Variants in SOX6 observed in about 807,000 individuals in gnomAD.
SOX6 encodes SRY-box transcription factor 6.
SOX6 carries 11 observed loss-of-function variants against 97.8 expected under a neutral mutation model. The observed-to-expected ratio is 0.11, with a 90% CI of 0.07 to 0.19. The LOEUF (loss-of-function observed/expected upper bound fraction) is 0.19. Ranked by LOEUF, SOX6 falls within the 10% of genes least tolerant of loss-of-function variation. The pLI is 1.00. For synonymous variants in SOX6, 360 were observed against 371.4 expected (o/e 0.97, Z 0.35); for missense variants, 810 against 1,039.5 (o/e 0.78, Z 3.04).
At chr11:16,624,967 G>A (rs772723863) in intron 3 of SOX6, among the ~76,000 whole-genome samples, 2 of 152,056 alleles carry the variant, frequency 1.3e-5, no homozygotes, top group Non-Finnish European at 2.9e-5. Flanking sequence ...TTGGTGGGGG[G>A]AGGGTTGATT....
chr11:16,676,262 C>T (rs1471541689), intron 3 of SOX6, among the ~76,000 whole-genome samples: 3 of 152,194 alleles, frequency 2.0e-5, no homozygotes, highest in Non-Finnish European at 2.9e-5. Context: ...CTTTTTATAA[C>T]TTCTACATCT....
intron 1 of SOX6, among the ~76,000 whole-genome samples, chr11:16,363,794 C>T (rs1324689369): frequency 7.3e-6 from 1 of 136,944 alleles, no homozygotes; most frequent in Non-Finnish European, 1.7e-5. Context: ...TTTGAATGAG[C>T]TTAAAGATAA....
chr11:16,009,551 T>G (rs1447774606), intron 13 of SOX6, among the ~76,000 whole-genome samples: 1 of 152,080 alleles, frequency 6.6e-6, no homozygotes, highest in East Asian at 1.9e-4. Flanking sequence ...AGTTATAAGT[T>G]GTTAACAAAC....
intron 12 of SOX6, among the ~76,000 whole-genome samples, chr11:16,043,811 C>A (rs1223893900): frequency 6.6e-6 from 1 of 152,146 alleles, no homozygotes; most frequent in Non-Finnish European, 1.5e-5. Context: ...TGGCTGTCGG[C>A]CCTCTTCAGC....
At chr11:16,126,769 C>T (rs1849622909) in intron 6 of SOX6, among the ~76,000 whole-genome samples, 1 of 152,090 alleles carries the variant, frequency 6.6e-6, no homozygotes, top group African/African-American at 2.4e-5. Flanking sequence ...CTAAAGAAAT[C>T]AAGAATAGAT....
intron 3 of SOX6, among the ~76,000 whole-genome samples, chr11:16,265,035 G>A (rs1351743903): frequency 6.6e-6 from 1 of 151,832 alleles, no homozygotes; most frequent in African/African-American, 2.4e-5. Context: ...CTCAGGTAAA[G>A]CCTATTTTCC....
chr11:16,050,298 T>TAG (rs1847655269), intron 10 of SOX6, among the ~76,000 whole-genome samples: 1 of 152,218 alleles, frequency 6.6e-6, no homozygotes, highest in Non-Finnish European at 1.5e-5. Context: ...GCTTTTGTGT[T>TAG]ACTCTCTCTG....
intron 6 of SOX6, among the ~76,000 whole-genome samples, chr11:16,178,808 T>C (rs767974279): frequency 2.0e-5 from 3 of 151,824 alleles, no homozygotes; most frequent in Non-Finnish European, 4.4e-5. Context: ...CAATGATAAA[T>C]ACAAATAACA....
At chr11:16,720,135 C>T (rs1287479058) in intron 2 of SOX6, among the ~76,000 whole-genome samples, 2 of 152,002 alleles carry the variant, frequency 1.3e-5, no homozygotes, top group Non-Finnish European at 2.9e-5. Flanking sequence ...GTCAGTGTGG[C>T]GATTCCTCAG....
intron 1 of SOX6, among the ~76,000 whole-genome samples, chr11:16,452,733 T>A (rs1235465453): frequency 6.6e-6 from 1 of 152,154 alleles, no homozygotes; most frequent in South Asian, 2.1e-4. Context: ...AAATTTTACA[T>A]AGTCATGAGG....
intron 3 of SOX6, chr11:16,313,464 A>G (rs916182644): frequency 6.6e-6 from 1 of 152,168 alleles, no homozygotes; most frequent in Non-Finnish European, 1.5e-5. Context: ...AGAGGTGGGT[A>G]ATGCATTTGA....
intron 3 of SOX6, chr11:16,283,684 A>G: frequency 5.0e-6 from 1 of 200,686 alleles, no homozygotes; most frequent in Non-Finnish European, 1.0e-5. Flanking sequence ...GTTCTTAAGC[A>G]CTACATAGCA....
chr11:16,420,759 A>G (rs1859005920), intron 1 of SOX6, among the ~76,000 whole-genome samples: 1 of 152,176 alleles, frequency 6.6e-6, no homozygotes, highest in African/African-American at 2.4e-5. Flanking sequence ...GCTTATTAAG[A>G]TGTAACTCAT....
chr11:16,328,115 T>C (rs1249020618), intron 2 of SOX6, among the ~76,000 whole-genome samples: 4 of 152,086 alleles, frequency 2.6e-5, no homozygotes, highest in Non-Finnish European at 5.9e-5. Flanking sequence ...CAATCATAGA[T>C]TTGCCCTGGT....
intron 1 of SOX6, among the ~76,000 whole-genome samples, chr11:16,398,919 T>C (rs532323661): frequency 4.2e-4 from 64 of 151,436 alleles, no homozygotes; most frequent in African/African-American, 1.4e-3. Context: ...ATTCTAATCA[T>C]TTATTTTTAT....
intron 3 of SOX6, among the ~76,000 whole-genome samples, chr11:16,675,606 G>C (rs541270173): frequency 1.3e-5 from 2 of 152,202 alleles, no homozygotes; most frequent in East Asian, 3.9e-4. Flanking sequence ...ATTTCAGCTT[G>C]AAGAAGTCCC....
At chr11:16,564,059 A>C (rs1338030268) in intron 4 of SOX6, among the ~76,000 whole-genome samples, 2 of 152,168 alleles carry the variant, frequency 1.3e-5, no homozygotes, top group Non-Finnish European at 2.9e-5. Context: ...AATGAAGGAA[A>C]ATGAAGAGAG....
At chr11:16,035,281 T>C (rs979779382) in intron 12 of SOX6, among the ~76,000 whole-genome samples, 22 of 152,216 alleles carry the variant, frequency 1.4e-4, no homozygotes, top group African/African-American at 5.3e-4. Context: ...CAAAAAACTT[T>C]GAAGTCTCTC....
chr11:16,008,369 C>T (rs779250829), intron 13 of SOX6, among the ~76,000 whole-genome samples: 1 of 152,052 alleles, frequency 6.6e-6, no homozygotes, highest in Non-Finnish European at 1.5e-5. Flanking sequence ...GGGTAAAGAA[C>T]ATTCAGTCAG....
Sources: allele counts gnomAD v4.1 joint callset (sites outside exome capture counted in the v4.1 genomes callset), GRCh38; gene constraint gnomAD v4.1.1; transcripts MANE v1.5; gene names NCBI Gene and HGNC (gene_info 2026-07-23, HGNC 2026-07-21).